SMAD9: variants seen among roughly 807,000 people sequenced by gnomAD.
SMAD9 encodes MAD homolog 9.
Under a neutral mutation model 46.1 loss-of-function variants are expected in SMAD9, and 36 were observed. That is an observed-to-expected ratio of 0.78 (90% CI 0.60 to 1.03). The LOEUF (loss-of-function observed/expected upper bound fraction) is 1.03, where lower values mean the gene tolerates loss of function less well. Ranked by LOEUF, SMAD9 falls within the 50% of genes least tolerant of loss-of-function variation. The pLI, the probability that SMAD9 is intolerant of heterozygous loss-of-function variation, is 0.00. For synonymous variants in SMAD9, 245 were observed against 237.1 expected (o/e 1.03, Z -0.31); for missense variants, 572 against 599.8 (o/e 0.95, Z 0.48).
intron 1 of SMAD9, among the ~76,000 whole-genome samples, chr13:36,912,347 T>C (rs1189975431): frequency 1.3e-5 from 2 of 151,854 alleles, no homozygotes; most frequent in African/African-American, 4.8e-5. Flanking sequence ...AAAGGTGGAG[T>C]GGTTCAAGTA....
intron 1 of SMAD9, among the ~76,000 whole-genome samples, chr13:36,915,535 G>A (rs769153790): frequency 6.6e-6 from 1 of 151,880 alleles, no homozygotes; most frequent in South Asian, 2.1e-4. Context: ...GAGTACCAAA[G>A]AATGAGACAA....
chr13:36,884,141 A>T (rs2058426121), intron 1 of SMAD9, among the ~76,000 whole-genome samples: 1 of 152,184 alleles, frequency 6.6e-6, no homozygotes, highest in Non-Finnish European at 1.5e-5. Context: ...CAACTCTGAC[A>T]CCGCTATCAA....
At chr13:36,866,269 T>C (rs1172302475) in intron 4 of SMAD9, among the ~76,000 whole-genome samples, 1 of 151,542 alleles carries the variant, frequency 6.6e-6, no homozygotes, top group Admixed American at 6.6e-5. Flanking sequence ...GAATAGGACA[T>C]TAAATTATTT....
At chr13:36,877,925 C>T (rs1432306091) in intron 2 of SMAD9, among the ~76,000 whole-genome samples, 1 of 152,150 alleles carries the variant, frequency 6.6e-6, no homozygotes, top group Non-Finnish European at 1.5e-5. Context: ...CATCTCTTCA[C>T]TGGACATGGG....
intron 1 of SMAD9, among the ~76,000 whole-genome samples, chr13:36,911,412 T>C (rs1258101713): frequency 2.0e-5 from 3 of 152,226 alleles, no homozygotes; most frequent in Non-Finnish European, 2.9e-5. Context: ...GACAGAATTA[T>C]ATAATGCATT....
In SMAD9 at chr13:36,918,837, T is replaced by C. The variant is rs1049392348; in HGVS notation, c.-187+1279A>G. ...AAGGCAGGAGACATGCTTGTAGTAGTCACATTTCACTTTCCCAGACGGGTG... is the reference window on the plus strand; with the variant it reads ...AAGGCAGGAGACATGCTTGTAGTAGCCACATTTCACTTTCCCAGACGGGTG... On this transcript the variant is annotated intron_variant, in intron 1 of 6. Transcript: ENST00000379826. 3.9e-5 allele frequency among the ~76,000 whole-genome samples: 6 copies of C among 152,216 alleles called. 1 individual carries two copies. Among genetic ancestry groups the C allele is most frequent in the Non-Finnish European group, 8.8e-5 (6 of 68,036 alleles).
At chr13:36,884,188 T>G (rs2058426563) in intron 1 of SMAD9, among the ~76,000 whole-genome samples, 1 of 152,232 alleles carries the variant, frequency 6.6e-6, no homozygotes, top group Non-Finnish European at 1.5e-5. Flanking sequence ...TCTACCAACA[T>G]GAACCAATTC....
chr13:36,879,262 CGTAAAG>C lies in SMAD9; in HGVS notation c.412+10_412+15del. 1 of 1,612,320 alleles carries C rather than the reference CGTAAAG, an allele frequency of 6.2e-7. No homozygotes were observed. Among genetic ancestry groups the C allele is most frequent in the South Asian group, 1.1e-5 (1 of 91,016 alleles). ...TCACTCTGAAAATAAACCTTGACGTCGTAAAGACGACCCACCTGGAGTCTCCACCCG... is the reference window on the plus strand; with the variant it reads ...TCACTCTGAAAATAAACCTTGACGTCACGACCCACCTGGAGTCTCCACCCG... On this transcript the variant is annotated intron_variant, in intron 2 of 6. Coordinates refer to ENST00000379826, the MANE Select transcript of SMAD9 (RefSeq NM_001127217.3).
chr13:36,848,845 G>C (rs1405430201), intron 6 of SMAD9, 26 bp from the exon 7 acceptor site: 1 of 1,611,182 alleles, frequency 6.2e-7, no homozygotes. Flanking sequence ...GGAGCTGAGT[G>C]ATGGTGCCAC....
intron 3 of SMAD9, among the ~76,000 whole-genome samples, chr13:36,871,268 A>G (rs1459605870): frequency 6.6e-6 from 1 of 152,148 alleles, no homozygotes; most frequent in African/African-American, 2.4e-5. Context: ...CTGTAATCTC[A>G]GCACTTTGGG....
intron 1 of SMAD9, among the ~76,000 whole-genome samples, chr13:36,906,611 A>G (rs1291216514): frequency 6.6e-6 from 1 of 152,258 alleles, no homozygotes; most frequent in Non-Finnish European, 1.5e-5. Context: ...ACTTCTCCAA[A>G]GAAGATATAC....
intron 5 of SMAD9, among the ~76,000 whole-genome samples, chr13:36,854,503 G>T (rs946054900): frequency 2.0e-5 from 3 of 152,110 alleles, no homozygotes; most frequent in Non-Finnish European, 4.4e-5. Flanking sequence ...GAGTAGCTAG[G>T]ATTACAGGTG....
rs2058036495 is a variant in SMAD9, at chr13:36,846,036, T to TA, written c.*2639dup. ...ATGAAGTTGTATGATCATAGTTCAC[T>TA]ACAGCCCCAAACTCCTGGGCTCAGA... On this transcript the variant is annotated 3_prime_UTR_variant, in exon 7 of 7. Transcript: ENST00000379826. 1 of 152,070 alleles carries TA rather than the reference T, an allele frequency of 6.6e-6. No homozygotes were observed. Among genetic ancestry groups the TA allele is most frequent in the African/African-American group, 2.4e-5 (1 of 41,420 alleles). The allele number at this position is 152,070 out of a possible 1,614,324, so 9.4% of individuals were successfully genotyped here. A position where few individuals can be genotyped will look rare whatever the true frequency, so the allele number is the denominator to read the frequency against.
chr13:36,875,424 A>G (rs2058336880), intron 2 of SMAD9, among the ~76,000 whole-genome samples: 1 of 152,240 alleles, frequency 6.6e-6, no homozygotes, highest in Non-Finnish European at 1.5e-5. Flanking sequence ...AGAGAAACAA[A>G]TAATTTCTTC....
At chr13:36,882,241 GTGTGTGTGTGTGTGTGTGTA>G (rs2058409878) in intron 1 of SMAD9, among the ~76,000 whole-genome samples, 1 of 149,022 alleles carries the variant, frequency 6.7e-6, no homozygotes, top group African/African-American at 2.6e-5. Flanking sequence ...GTGTGTGTGT[GTGTGTGTGTGTGTGTGTGTA>G]TGTGTGTGCG....
intron 1 of SMAD9, among the ~76,000 whole-genome samples, chr13:36,909,887 A>G (rs1352769487): frequency 6.6e-6 from 1 of 152,178 alleles, no homozygotes; most frequent in Non-Finnish European, 1.5e-5. Context: ...TGTGGGAGTT[A>G]AGAGGTGCCC....
intron 1 of SMAD9, among the ~76,000 whole-genome samples, chr13:36,918,651 T>G (rs977010667): frequency 3.9e-5 from 6 of 152,272 alleles, no homozygotes; most frequent in Non-Finnish European, 8.8e-5. Context: ...AAAATTGTGC[T>G]GATGCTTTCC....
chr13:36,865,590 G>A lies in SMAD9; in HGVS notation c.950C>T (p.Ser317Phe), dbSNP rs781563938. The change falls in exon 5 of 7, where the codon TCT (serine) becomes TTT (phenylalanine). Residue 317 changes from serine to phenylalanine, a missense_variant. Coordinates refer to ENST00000379826, the MANE Select transcript of SMAD9 (RefSeq NM_001127217.3). ...TATCGTTGAGTTTCTGTTTACATTA[G>A]AAAGAAGTCCAAGACAGAATCTGTT... ...NRNRFCLGLLSNVNRNSTIEN... is the reference protein window; with the variant it reads ...NRNRFCLGLLFNVNRNSTIEN... 1.9e-6 allele frequency: 3 copies of A among 1,613,976 alleles called. No homozygotes were observed. Among genetic ancestry groups the A allele is most frequent in the African/African-American group, 2.7e-5 (2 of 74,880 alleles).
At chr13:36,855,382 T>C (rs1286356364) in intron 5 of SMAD9, among the ~76,000 whole-genome samples, 1 of 152,006 alleles carries the variant, frequency 6.6e-6, no homozygotes, top group Non-Finnish European at 1.5e-5. Flanking sequence ...AATATAAATG[T>C]ATAGCGAGGG....
Sources: allele counts gnomAD v4.1 joint callset (sites outside exome capture counted in the v4.1 genomes callset), GRCh38; gene constraint gnomAD v4.1.1; transcripts MANE v1.5; gene names NCBI Gene and HGNC (gene_info 2026-07-23, HGNC 2026-07-21).